Variants in HSPA4 observed in about 807,000 individuals in gnomAD.
The protein encoded by HSPA4 is heat shock 70 kDa protein 4.
In HSPA4, 25 loss-of-function variants were observed where a neutral mutation model predicts 106.2. That is an observed-to-expected ratio of 0.24 (90% confidence interval 0.17 to 0.33). HSPA4 has a LOEUF of 0.33. Ranked by LOEUF, HSPA4 falls within the 10% of genes least tolerant of loss-of-function variation. The probability of loss-of-function intolerance (pLI) is 1.00; values close to 1 mark genes in which losing one functional copy is unlikely to be tolerated. For synonymous variants in HSPA4, 332 were observed against 333.6 expected (o/e 1.00, Z 0.05); for missense variants, 841 against 996.0 (o/e 0.84, Z 2.10).
chr5:133,098,372 C>T (rs888781523), intron 15 of HSPA4, among the ~76,000 whole-genome samples: 2 of 151,834 alleles, frequency 1.3e-5, no homozygotes, highest in African/African-American at 4.8e-5. Flanking sequence ...AGTGCGGTGA[C>T]GCGATCTTGG....
At chr5:133,091,454 A>C (rs1054698742) in intron 12 of HSPA4, 80 bp downstream of exon 12, 8 of 1,073,862 alleles carry the variant, frequency 7.4e-6, no homozygotes, top group Non-Finnish European at 1.1e-5. Context: ...CTTGGTGGCA[A>C]GGCCGGAGCA....
At chr5:133,103,775 GT>G in intron 17 of HSPA4, 89 bp from the exon 18 acceptor site, 7 of 1,074,190 alleles carry the variant, frequency 6.5e-6, no homozygotes, top group Admixed American at 4.9e-5. Flanking sequence ...AAGATTATAA[GT>G]TTTTGAAAAA....
Position 133,092,806 on chromosome 5 carries a change from GTTTTTTTTTTTTTTTTT to G in HSPA4, c.1650+33_1650+49del, listed in dbSNP as rs57230598. On this transcript the variant is annotated intron_variant, in intron 13 of 18. Transcript: ENST00000304858. ...GAAATGGAGGTATGCATTGGGTGGT[GTTTTTTTTTTTTTTTTT>G]TTTTTTTTTTTTTTTGAGACAGAGT... 69 of 473,992 alleles carry G rather than the reference GTTTTTTTTTTTTTTTTT, an allele frequency of 1.5e-4. No individual in the cohort carries two copies. Among genetic ancestry groups the G allele is most frequent in the African/African-American group, 3.9e-4 (11 of 28,146 alleles). The allele number at this position is 473,992 out of a possible 1,614,324, so 29.4% of individuals were successfully genotyped here.
In HSPA4 at chr5:133,106,035, C is replaced by A. The variant is rs1360514816; in HGVS notation, c.*1599C>A. 2 of 143,066 alleles carry A rather than the reference C, an allele frequency of 1.4e-5. No homozygotes were observed. The highest frequency in any genetic ancestry group is 2.6e-5 in the African/African-American group (1 of 38,256). 8.9% of individuals were successfully genotyped at this position (143,066 alleles called of 1,614,324 possible). A position where few individuals can be genotyped will look rare whatever the true frequency, so the allele number is the denominator to read the frequency against. Reference sequence around the variant, plus strand: ...GTAGCTATTTTAAAAGTGCTGGCTGCAGGATTAAGCCAACCCTTTACAACT... The same window carrying A: ...GTAGCTATTTTAAAAGTGCTGGCTGAAGGATTAAGCCAACCCTTTACAACT... On this transcript the variant is annotated 3_prime_UTR_variant, in exon 19 of 19. Transcript: ENST00000304858.
At chr5:133,059,302 G>A (rs1469679518) in intron 1 of HSPA4, among the ~76,000 whole-genome samples, 1 of 151,764 alleles carries the variant, frequency 6.6e-6, no homozygotes, top group African/African-American at 2.4e-5. Context: ...AAAAAAATTA[G>A]CTGGGTGTGG....
Position 133,092,684 on chromosome 5 carries a change from T to C in HSPA4, c.1561-16T>C, listed in dbSNP as rs774927845. ...AGTCTTCCTAATTGCAGGATTTAAT[T>C]TGACCTGTTTTTCAGAAGATGCAAG... On this transcript the variant is annotated splice_polypyrimidine_tract_variant and intron_variant, in intron 12 of 18. Transcript: ENST00000304858. 1.3e-6 allele frequency: 2 copies of C among 1,571,812 alleles called. No homozygotes were observed. The highest frequency in any genetic ancestry group is 2.2e-5 in the South Asian group (2 of 90,024).
Position 133,099,314 on chromosome 5 carries a change from G to T in HSPA4, c.1930-231G>T, listed in dbSNP as rs145635702. The stretch of plus-strand genomic sequence containing the variant: ...CCGGGTAATTTTTTTTGTATTTTTA[G>T]TGGAGACGGGGTTTCACCATGTTGG... On this transcript the variant is annotated intron_variant, in intron 15 of 18. Coordinates refer to ENST00000304858, the MANE Select transcript of HSPA4 (RefSeq NM_002154.4). Among the ~76,000 whole-genome samples, 52 of 151,732 alleles carry T rather than the reference G, an allele frequency of 3.4e-4. No individual in the cohort carries two copies. The East Asian group carries it at 1.0e-2, about 29-fold the overall frequency.
At chr5:133,089,028 C>T (rs116050009) in intron 9 of HSPA4, 27 bp from the exon 10 acceptor site, 26,076 of 1,331,024 alleles carry the variant, frequency 0.02, 304 homozygotes, top group Non-Finnish European at 0.024. Flanking sequence ...ACTTGTTAAA[C>T]GGAATTTTTG....
At chr5:133,076,221 A>C (rs941447292) in intron 6 of HSPA4, 3 of 160,268 alleles carry the variant, frequency 1.9e-5, no homozygotes, top group Non-Finnish European at 4.2e-5. Context: ...AGTAAACTGC[A>C]GAGAGTTGAG....
chr5:133,090,932 A>G (rs934356258), intron 11 of HSPA4: 12 of 475,484 alleles, frequency 2.5e-5, no homozygotes, highest in Non-Finnish European at 4.3e-5. Flanking sequence ...ATAAATGGAA[A>G]TAAGAAATTG....
intron 10 of HSPA4, 69 bp from the exon 11 acceptor site, chr5:133,089,493 C>T: frequency 7.0e-7 from 1 of 1,419,210 alleles, no homozygotes; most frequent in Non-Finnish European, 9.8e-7. Context: ...TAATTACAAA[C>T]CTAGAACACA....
chr5:133,077,156 C>T (rs56265094), intron 7 of HSPA4, among the ~76,000 whole-genome samples: 33,261 of 152,014 alleles, frequency 0.22, 3,783 homozygotes, highest in South Asian at 0.26. Flanking sequence ...TTGTTATACA[C>T]GAGATTTCAG....
chr5:133,088,803 T>C (rs1765610341), intron 9 of HSPA4, among the ~76,000 whole-genome samples: 2 of 152,244 alleles, frequency 1.3e-5, no homozygotes, highest in Admixed American at 6.5e-5. Context: ...TGGCCTGTTA[T>C]GTATGTCTGT....
intron 1 of HSPA4, among the ~76,000 whole-genome samples, chr5:133,053,914 C>T (rs986138742): frequency 6.6e-6 from 1 of 151,852 alleles, no homozygotes; most frequent in Non-Finnish European, 1.5e-5. Flanking sequence ...CCCGCCTCGG[C>T]CTCCCAAAGT....
chr5:133,061,230 C>T (rs2126694634), intron 1 of HSPA4, among the ~76,000 whole-genome samples: 1 of 151,472 alleles, frequency 6.6e-6, no homozygotes, highest in African/African-American at 2.4e-5. Context: ...TCACGCCATT[C>T]TCCTGCCTCA....
chr5:133,100,994 A>G (rs939169538), intron 16 of HSPA4, among the ~76,000 whole-genome samples: 3 of 152,070 alleles, frequency 2.0e-5, no homozygotes, highest in African/African-American at 4.8e-5. Flanking sequence ...TTGTAGGGAA[A>G]GGGTCTCCCT....
At chr5:133,061,596 C>G (rs535337241) in intron 1 of HSPA4, among the ~76,000 whole-genome samples, 3 of 152,034 alleles carry the variant, frequency 2.0e-5, no homozygotes, top group East Asian at 3.9e-4. Context: ...AAACCAAGTC[C>G]AGTTTTAAGA....
intron 1 of HSPA4, among the ~76,000 whole-genome samples, chr5:133,062,846 A>AGCATT (rs1394700051): frequency 3.3e-5 from 5 of 152,206 alleles, no homozygotes; most frequent in Admixed American, 1.3e-4. Context: ...GTGAAGGACC[A>AGCATT]CTGAAGCCCA....
rs181862482 is a variant in HSPA4, at chr5:133,060,201, T to G, written c.108-4779T>G. On this transcript the variant is annotated intron_variant, in intron 1 of 18. Coordinates refer to ENST00000304858, the MANE Select transcript of HSPA4 (RefSeq NM_002154.4). Reference sequence around the variant, plus strand: ...ATTTTTATTTTTTTCTTCATACTTGTCTGTTTTCTAATTTTCTACAGTAAA... The same window carrying G: ...ATTTTTATTTTTTTCTTCATACTTGGCTGTTTTCTAATTTTCTACAGTAAA... Among the ~76,000 whole-genome samples the G allele has an allele frequency of 3.3e-5, 5 of 152,174 alleles. No individual in the cohort carries two copies. The East Asian group carries it at 9.7e-4, about 29-fold the overall frequency.
Sources: allele counts gnomAD v4.1 joint callset (sites outside exome capture counted in the v4.1 genomes callset), GRCh38; gene constraint gnomAD v4.1.1; transcripts MANE v1.5; gene names NCBI Gene and HGNC (gene_info 2026-07-23, HGNC 2026-07-21).